Variants in STK38 observed in about 807,000 individuals in gnomAD.
STK38 encodes the protein serine/threonine kinase 38, also known as serine/threonine-protein kinase 38.
Under a neutral mutation model 59.0 loss-of-function variants are expected in STK38, and 26 were observed. The ratio of observed to expected loss-of-function variants is 0.44; its 90% confidence interval spans 0.32 to 0.61. The LOEUF is 0.61. STK38 is among the 20% of genes least tolerant of loss of function. STK38 has a pLI of 0.04. For synonymous variants in STK38, 175 were observed against 176.6 expected, an observed-to-expected ratio of 0.99 and a Z score of 0.07; for missense variants, 433 against 566.0, an observed-to-expected ratio of 0.76 and a Z score of 2.38.
chr6:36,505,071 C>T (rs1776933405), intron 9 of STK38, among the ~76,000 whole-genome samples: 1 of 152,158 alleles, frequency 6.6e-6, no homozygotes. Context: ...TCTCCACATT[C>T]ACTGCACAGT....
chr6:36,520,638 T>G (rs543646728), intron 5 of STK38, among the ~76,000 whole-genome samples: 1 of 152,146 alleles, frequency 6.6e-6, no homozygotes, highest in African/African-American at 2.4e-5. Flanking sequence ...AATTTGTAGA[T>G]AGTATGTAAG....
chr6:36,529,132 C>T (rs2267926), intron 2 of STK38, among the ~76,000 whole-genome samples: 42,014 of 151,706 alleles, frequency 0.28, 6,691 homozygotes, highest in African/African-American at 0.44. Context: ...TGTGAGATGA[C>T]ATCAAAGGAA....
chr6:36,525,449 C>G, intron 3 of STK38, 142 bp downstream of exon 3: 1 of 642,680 alleles, frequency 1.6e-6, no homozygotes, highest in Non-Finnish European at 2.7e-6. Context: ...AATTAACACC[C>G]AAATCCGGAA....
chr6:36,538,524 A>G (rs533406040), intron 2 of STK38, among the ~76,000 whole-genome samples: 2 of 152,366 alleles, frequency 1.3e-5, no homozygotes, highest in South Asian at 2.1e-4. Context: ...CCCAAAAAGT[A>G]TAAATACTGA....
intron 2 of STK38, among the ~76,000 whole-genome samples, chr6:36,537,254 C>A (rs1184762500): frequency 2.0e-5 from 3 of 152,132 alleles, no homozygotes; most frequent in African/African-American, 7.2e-5. Flanking sequence ...AACTAAAACA[C>A]TGACAACGCA....
In STK38 at chr6:36,544,551, T is replaced by C. The variant is rs1292130124; in HGVS notation, c.-6+2639A>G. Among the ~76,000 whole-genome samples, 4 of 152,326 alleles carry C rather than the reference T, an allele frequency of 2.6e-5. No homozygotes were observed. The East Asian group carries it at 5.8e-4, about 22-fold the overall frequency. On this transcript the variant is annotated intron_variant, in intron 1 of 13. Transcript: ENST00000229812. ...AAAATTCCTGAAGAAATTGCATATA[T>C]GTAGTTACATTTTAACAACTGAAAT...
intron 1 of STK38, among the ~76,000 whole-genome samples, chr6:36,546,137 C>A (rs1010491610): frequency 1.3e-5 from 2 of 152,244 alleles, no homozygotes; most frequent in Non-Finnish European, 2.9e-5. Flanking sequence ...TCTACCTACA[C>A]TAGAAAGCAA....
chr6:36,495,753 C>A lies in STK38; in HGVS notation c.*31G>T. 6.2e-7 allele frequency: 1 copy of A among 1,612,828 alleles called. No individual in the cohort carries two copies. The highest frequency in any genetic ancestry group is 1.1e-5 in the South Asian group (1 of 91,040). ...AAAGCATGATGTTATACAAAGAACTCTGCTCCACATAGGATTCCGTGGCAA... is the reference window on the plus strand; with the variant it reads ...AAAGCATGATGTTATACAAAGAACTATGCTCCACATAGGATTCCGTGGCAA... On this transcript the variant is annotated 3_prime_UTR_variant, in exon 14 of 14. Coordinates refer to ENST00000229812, the MANE Select transcript of STK38 (RefSeq NM_007271.4).
intron 2 of STK38, among the ~76,000 whole-genome samples, chr6:36,530,122 T>A (rs1419463774): frequency 6.6e-6 from 1 of 151,896 alleles, no homozygotes; most frequent in Non-Finnish European, 1.5e-5. Context: ...GTGCCTGTAA[T>A]CCCAGCTACT....
intron 1 of STK38, among the ~76,000 whole-genome samples, chr6:36,546,581 G>A (rs1353923551): frequency 6.6e-6 from 1 of 152,160 alleles, no homozygotes; most frequent in South Asian, 2.1e-4. Flanking sequence ...TCTGCCGGCC[G>A]TTCTGCCCGC....
At chr6:36,533,920 G>C (rs374771935) in intron 2 of STK38, among the ~76,000 whole-genome samples, 1 of 152,298 alleles carries the variant, frequency 6.6e-6, no homozygotes, top group East Asian at 1.9e-4. Context: ...GTTTACTCCA[G>C]TGAACAGCAG....
Position 36,507,574 on chromosome 6 carries a change from A to G in STK38, c.698T>C (p.Leu233Pro). Residue 233 changes from leucine to proline, a missense_variant, in exon 8 of 14, where the codon CTT (leucine) becomes CCT (proline). Physicochemically the swap from Leu to Pro is moderately conservative, Grantham distance 98. Around this residue, in one of 3 missense-constraint regions of STK38, gnomAD observed 293 missense variants for 388.2 expected, o/e 0.75. Coordinates refer to ENST00000229812, the MANE Select transcript of STK38 (RefSeq NM_007271.4). Reference sequence around the variant, plus strand: ...ATGTGCTTTTTTCAGTCCTGTGCAAAGACCAAAGTCAGAAAGTTTCACATG... The same window carrying G: ...ATGTGCTTTTTTCAGTCCTGTGCAAGGACCAAAGTCAGAAAGTTTCACATG... ...KGHVKLSDFG[L>P]CTGLKKAHRT... 1 of 1,614,112 alleles carries G rather than the reference A, an allele frequency of 6.2e-7. No homozygotes were observed. Among genetic ancestry groups the G allele is most frequent in the Non-Finnish European group, 8.5e-7 (1 of 1,180,002 alleles).
intron 7 of STK38, among the ~76,000 whole-genome samples, chr6:36,513,441 A>AGTAGGTGGGACTACAGGCAC (rs1777160711): frequency 6.6e-6 from 1 of 150,966 alleles, no homozygotes; most frequent in African/African-American, 2.4e-5. Flanking sequence ...CAGCCTCTCA[A>AGTAGGTGGGACTACAGGCAC]GTAGGTGGGA....
At chr6:36,529,413 T>C (rs1373533739) in intron 2 of STK38, among the ~76,000 whole-genome samples, 2 of 152,174 alleles carry the variant, frequency 1.3e-5, no homozygotes, top group Non-Finnish European at 2.9e-5. Context: ...TGAAAAAGAA[T>C]AGCAGGACTC....
At chr6:36,532,716 T>C (rs919226916) in intron 2 of STK38, among the ~76,000 whole-genome samples, 1 of 152,016 alleles carries the variant, frequency 6.6e-6, no homozygotes, top group Non-Finnish European at 1.5e-5. Flanking sequence ...CTGGCCAACA[T>C]GGTGAAACCC....
chr6:36,513,820 A>C (rs1777173810), intron 7 of STK38, among the ~76,000 whole-genome samples: 1 of 147,510 alleles, frequency 6.8e-6, no homozygotes, highest in South Asian at 2.2e-4. Context: ...CCTGGGCAGC[A>C]AAGCGAGACC....
At chr6:36,509,214 G>A (rs1308584329) in intron 7 of STK38, among the ~76,000 whole-genome samples, 1 of 152,194 alleles carries the variant, frequency 6.6e-6, no homozygotes, top group African/African-American at 2.4e-5. Flanking sequence ...GTGAAGAGGA[G>A]CTTTACTGAG....
intron 1 of STK38, among the ~76,000 whole-genome samples, chr6:36,541,869 C>A (rs1206119256): frequency 6.6e-6 from 1 of 150,560 alleles, no homozygotes; most frequent in African/African-American, 2.4e-5. Flanking sequence ...CACTCTGTCG[C>A]CCATGCTGGA....
chr6:36,509,605 A>T (rs1048334978), intron 7 of STK38, among the ~76,000 whole-genome samples: 2 of 111,760 alleles, frequency 1.8e-5, no homozygotes, highest in Non-Finnish European at 3.5e-5. Flanking sequence ...CTCTCTCCGG[A>T]GATGAGGTGG....
Sources: gnomAD v4.1 joint callset for allele counts (sites outside exome capture counted in the v4.1 genomes callset) on GRCh38, gnomAD v4.1.1 for gene constraint, gnomAD v4.1.1 regional missense constraint, MANE v1.5 for transcripts, NCBI Gene and HGNC (gene_info 2026-07-23, HGNC 2026-07-21) for gene names.